TRAPPC3L: variants seen among roughly 807,000 people sequenced by gnomAD.
TRAPPC3L encodes trafficking protein particle complex subunit 3L.
TRAPPC3L carries 23 observed loss-of-function variants against 23.7 expected under a neutral mutation model. The ratio of observed to expected loss-of-function variants is 0.97; its 90% CI spans 0.70 to 1.37. The LOEUF (loss-of-function observed/expected upper bound fraction) is 1.37, where lower values mean the gene tolerates loss of function less well. TRAPPC3L is among the 40% of genes most tolerant of loss of function. TRAPPC3L has a pLI of 0.00. For synonymous variants in TRAPPC3L, 81 were observed against 77.9 expected, an observed-to-expected ratio of 1.04 and a Z score of -0.21; for missense variants, 212 against 216.8, an observed-to-expected ratio of 0.98 and a Z score of 0.14.
intron 3 of TRAPPC3L, chr6:116,515,835 T>C (rs1772213579): frequency 6.2e-7 from 1 of 1,613,958 alleles, no homozygotes; most frequent in Non-Finnish European, 8.5e-7. Flanking sequence ...ATGCCTACGT[T>C]TGCTGCCTGG....
intron 3 of TRAPPC3L, chr6:116,521,250 T>G (rs1034401025): frequency 2.0e-5 from 3 of 152,062 alleles, no homozygotes; most frequent in Non-Finnish European, 2.9e-5. Flanking sequence ...GAGGATTTAT[T>G]GTGGAAATTG....
chr6:116,541,094 C>T (rs1773421115), intron 2 of TRAPPC3L, among the ~76,000 whole-genome samples: 1 of 152,066 alleles, frequency 6.6e-6, no homozygotes, highest in African/African-American at 2.4e-5. Flanking sequence ...ATTATCTCCA[C>T]CCCGAGAAAA....
chr6:116,512,198 A>C (rs762735119), intron 3 of TRAPPC3L: 3 of 1,606,958 alleles, frequency 1.9e-6, no homozygotes, highest in Non-Finnish European at 2.5e-6. Context: ...ACCTACCGTC[A>C]ATGAAGAACT....
At chr6:116,529,429 A>G (rs888568659) in intron 3 of TRAPPC3L, among the ~76,000 whole-genome samples, 2 of 152,212 alleles carry the variant, frequency 1.3e-5, no homozygotes, top group Non-Finnish European at 2.9e-5. Context: ...GAAGGGAAAT[A>G]TGGGGTAGCC....
chr6:116,528,861 A>G (rs1772530870), intron 3 of TRAPPC3L, among the ~76,000 whole-genome samples: 1 of 152,234 alleles, frequency 6.6e-6, no homozygotes, highest in African/African-American at 2.4e-5. Flanking sequence ...GGCTCTTACA[A>G]TTAGGTTTTG....
chr6:116,535,366 T>C (rs1773010749), intron 3 of TRAPPC3L, among the ~76,000 whole-genome samples: 1 of 152,200 alleles, frequency 6.6e-6, no homozygotes, highest in Non-Finnish European at 1.5e-5. Flanking sequence ...AGGCCAGTGC[T>C]CATCTACTGG....
At chr6:116,541,228 C>T (rs1348344122) in intron 2 of TRAPPC3L, among the ~76,000 whole-genome samples, 1 of 152,122 alleles carries the variant, frequency 6.6e-6, no homozygotes, top group African/African-American at 2.4e-5. Flanking sequence ...TGAAAAACGA[C>T]TAGATTTCCC....
rs559489342 is a variant in TRAPPC3L at position 116,531,791 on chromosome 6, C to G, written c.240+8572G>C. Among the ~76,000 whole-genome samples the G allele has an allele frequency of 1.7e-4, 26 of 151,800 alleles. No individual in the cohort carries two copies. The South Asian group carries it at 5.4e-3, about 31-fold the overall frequency. On this transcript the variant is annotated intron_variant, in intron 3 of 4. Transcript: ENST00000368602. ...TCAGAGTAGCAGAATGAATATCCCT[C>G]TTCTGAAACCTTCTACACTCATATA...
At chr6:116,499,919 T>C (rs1771887403) in intron 4 of TRAPPC3L, among the ~76,000 whole-genome samples, 1 of 152,242 alleles carries the variant, frequency 6.6e-6, no homozygotes, top group Non-Finnish European at 1.5e-5. Flanking sequence ...ACTTAGCAGA[T>C]ACTAATAACT....
chr6:116,541,269 A>G (rs545788965), intron 2 of TRAPPC3L, among the ~76,000 whole-genome samples: 81 of 152,208 alleles, frequency 5.3e-4, no homozygotes, highest in Non-Finnish European at 1.0e-3. Context: ...CAGAATCTCT[A>G]TCTTATAAGA....
rs144458868 is a variant in TRAPPC3L at position 116,499,767 on chromosome 6, G to A, written c.426+714C>T. Among the ~76,000 whole-genome samples the A allele has an allele frequency of 4.4e-3, 672 of 152,192 alleles. 12 individuals are homozygous for A. The highest frequency in any genetic ancestry group is 0.023 in the Admixed American group (347 of 15,286). On this transcript the variant is annotated intron_variant, in intron 4 of 4. Transcript: ENST00000368602. ...CAAAAGCCAGTTTAGAGTTTCCTTA[G>A]GAAGTCTACAAGTTTTTCCTGCCAC...
intron 2 of TRAPPC3L, 71 bp from the exon 3 acceptor site, chr6:116,540,533 C>A (rs1409855048): frequency 2.1e-6 from 3 of 1,445,642 alleles, no homozygotes; most frequent in African/African-American, 2.8e-5. Context: ...TTTTAAGAAG[C>A]GATTTGTGTG....
intron 3 of TRAPPC3L, among the ~76,000 whole-genome samples, chr6:116,500,894 G>A (rs1771901271): frequency 6.6e-6 from 1 of 152,176 alleles, no homozygotes; most frequent in Admixed American, 6.5e-5. Context: ...AATAGGAACA[G>A]CTCTAGTCTA....
rs2115150071 is a variant in TRAPPC3L, at chr6:116,496,500, A to G, written c.*454T>C. ...AAATCATATTTTTTTAGAAATATGG[A>G]ATTATTTATTTAAGGAATGCAATAT... On this transcript the variant is annotated 3_prime_UTR_variant, in exon 5 of 5. Coordinates refer to ENST00000368602, the MANE Select transcript of TRAPPC3L (RefSeq NM_001139444.3). 1 of 152,430 alleles carries G rather than the reference A, an allele frequency of 6.6e-6. No homozygotes were observed. Among genetic ancestry groups the G allele is most frequent in the East Asian group, 1.9e-4 (1 of 5,192 alleles). The allele number at this position is 152,430 out of a possible 1,614,324, so 9.4% of individuals were successfully genotyped here. A position where few individuals can be genotyped will look rare whatever the true frequency, so the allele number is the denominator to read the frequency against.
chr6:116,540,033 G>A (rs9400932), intron 3 of TRAPPC3L, among the ~76,000 whole-genome samples: 85,339 of 151,978 alleles, frequency 0.56, 25,446 homozygotes, highest in East Asian at 0.89. Flanking sequence ...GAAAATTATC[G>A]TAAAGAAACT....
At chr6:116,518,108 A>C (rs1412004252) in intron 3 of TRAPPC3L, 2 of 152,092 alleles carry the variant, frequency 1.3e-5, no homozygotes, top group East Asian at 3.9e-4. Context: ...TCTGTGAGCT[A>C]CTCTAGCAAA....
chr6:116,517,259 G>A (rs1222229870), intron 3 of TRAPPC3L: 1 of 152,108 alleles, frequency 6.6e-6, no homozygotes, highest in Admixed American at 6.6e-5. Flanking sequence ...AGGGTAAATT[G>A]ACCTTGGCTA....
intron 3 of TRAPPC3L, among the ~76,000 whole-genome samples, chr6:116,505,992 G>A (rs560894900): frequency 2.7e-4 from 41 of 152,166 alleles, no homozygotes; most frequent in African/African-American, 8.9e-4. Context: ...CAAAAGCAAC[G>A]GCAACAAAAG....
At chr6:116,538,356 CAG>C (rs1311692028) in intron 3 of TRAPPC3L, among the ~76,000 whole-genome samples, 1 of 152,218 alleles carries the variant, frequency 6.6e-6, no homozygotes, top group Non-Finnish European at 1.5e-5. Context: ...CATCGTGTGA[CAG>C]AATGTAATTC....
Sources: allele counts gnomAD v4.1 joint callset (sites outside exome capture counted in the v4.1 genomes callset), GRCh38; gene constraint gnomAD v4.1.1; transcripts MANE v1.5; gene names NCBI Gene and HGNC (gene_info 2026-07-23, HGNC 2026-07-21).